Variants in ZNF674 observed in about 807,000 individuals in gnomAD.
ZNF674 encodes zinc finger family member 674.
Under a neutral mutation model 7.0 loss-of-function variants are expected in ZNF674, and 2 were observed. The ratio of observed to expected loss-of-function variants is 0.29; its 90% CI spans 0.12 to 0.90. ZNF674 has a LOEUF of 0.90. Ranked by LOEUF, ZNF674 falls within the 40% of genes least tolerant of loss-of-function variation. The pLI is 0.57. For missense variants in ZNF674, 297 were observed against 415.5 expected (o/e 0.71, Z 2.48); for synonymous variants, 103 against 145.2 (o/e 0.71, Z 2.09).
Position 46,501,045 on chromosome X carries a change from G to A in ZNF674, c.529C>T (p.Leu177Phe), listed in dbSNP as rs1737367. ...TGAGCTTTATGAAGATTATAATGGA[G>A]GCATACTTTCCAATATGCCTTACAT... The part of the protein sequence containing the change: ...DGCKAYWKVC[L>F]HYNLHKAQPA... The change falls in exon 6 of 6, where the codon CTC becomes TTC. Residue 177 changes from leucine to phenylalanine, a missense_variant. Physicochemically the swap from Leu to Phe is conservative, Grantham distance 22 (BLOSUM62 0). Coordinates refer to ENST00000683375, the MANE Select transcript of ZNF674 (RefSeq NM_001190417.2). 1.9e-5 allele frequency: 23 copies of A among 1,206,927 alleles called. No homozygotes were observed. Among genetic ancestry groups the A allele is most frequent in the East Asian group, 3.0e-5 (1 of 33,706 alleles).
chrX:46,520,839 G>A (rs976480836), intron 5 of ZNF674, among the ~76,000 whole-genome samples: 3 of 111,406 alleles, frequency 2.7e-5, no homozygotes, highest in African/African-American at 6.5e-5. Flanking sequence ...TACAAGAAAC[G>A]CAATTTAAAT....
At chrX:46,516,057 C>T (rs1396596612) in intron 5 of ZNF674, among the ~76,000 whole-genome samples, 3 of 111,603 alleles carry the variant, frequency 2.7e-5, no homozygotes, top group Non-Finnish European at 3.8e-5. Flanking sequence ...TAAGCATCCA[C>T]CTTATGAAAC....
intron 5 of ZNF674, among the ~76,000 whole-genome samples, chrX:46,512,956 A>C (rs1286836934): frequency 1.8e-5 from 2 of 111,544 alleles, no homozygotes; most frequent in Admixed American, 1.9e-4. Flanking sequence ...AACTCAACAA[A>C]AACATGAATA....
chrX:46,518,603 C>T (rs1186426516), intron 5 of ZNF674, among the ~76,000 whole-genome samples: 18 of 108,485 alleles, frequency 1.7e-4, no homozygotes, highest in Non-Finnish European at 2.1e-4. Flanking sequence ...AGGCCAGGCA[C>T]GGTGGCTCAT....
chrX:46,509,003 T>C (rs1299264082), intron 5 of ZNF674, among the ~76,000 whole-genome samples: 1 of 110,694 alleles, frequency 9.0e-6, no homozygotes, highest in East Asian at 2.8e-4. Flanking sequence ...AACTATCTGA[T>C]CTTTGACAAA....
In ZNF674 at chrX:46,523,310, TG is replaced by T. The variant is rs775481334; in HGVS notation, c.238+5039del. ...ATTAAAAAATAATAAGGAAATCTTA[TG>T]AAAAAAACTTTATTTTATTTTATTT... On this transcript the variant is annotated intron_variant, in intron 5 of 5. Coordinates refer to ENST00000683375, the MANE Select transcript of ZNF674 (RefSeq NM_001190417.2). 8 of 116,412 alleles carry T rather than the reference TG, an allele frequency of 6.9e-5. No homozygotes were observed. In the South Asian group the frequency reaches 2.4e-3, roughly 35 times the overall value. The allele number at this position is 116,412 out of a possible 1,213,427, so 9.6% of individuals were successfully genotyped here. A position where few individuals can be genotyped will look rare whatever the true frequency, so the allele number is the denominator to read the frequency against.
At chrX:46,530,356 C>A (rs1291178691) in intron 3 of ZNF674, among the ~76,000 whole-genome samples, 2 of 111,026 alleles carry the variant, frequency 1.8e-5, no homozygotes, top group Admixed American at 9.6e-5. Context: ...TGCTGGGGAA[C>A]AAAACCACAC....
intron 5 of ZNF674, among the ~76,000 whole-genome samples, chrX:46,518,722 A>C (rs1180109967): frequency 3.8e-5 from 4 of 105,403 alleles, no homozygotes; most frequent in Non-Finnish European, 5.9e-5. Context: ...AAAAATACAA[A>C]AAAAAAAAAA....
At chrX:46,509,509 A>T (rs1255294997) in intron 5 of ZNF674, among the ~76,000 whole-genome samples, 1 of 99,942 alleles carries the variant, frequency 1.0e-5, no homozygotes, top group African/African-American at 3.7e-5. Flanking sequence ...AAAAGAAGAC[A>T]TTTATGCAGC....
chrX:46,536,719 T>C (rs1371882433), intron 3 of ZNF674, among the ~76,000 whole-genome samples: 1 of 110,065 alleles, frequency 9.1e-6, no homozygotes, highest in Non-Finnish European at 1.9e-5. Context: ...ATCATGCCAC[T>C]GCACTTCAGC....
At chrX:46,525,400 C>A in intron 5 of ZNF674, 1 of 189,633 alleles carries the variant, frequency 5.3e-6, no homozygotes. Context: ...GCTGGGAGTT[C>A]GAGACCAGCC....
chrX:46,500,885 T>C lies in ZNF674; in HGVS notation c.689A>G (p.Gln230Arg). The C allele has an allele frequency of 3.4e-6, 4 of 1,183,861 alleles. No individual in the cohort carries two copies. Among genetic ancestry groups the C allele is most frequent in the Non-Finnish European group, 4.5e-6 (4 of 880,223 alleles). The change falls in exon 6 of 6, where the codon CAG (glutamine) becomes CGG (arginine). Residue 230 changes from glutamine (Q) to arginine (R), a missense_variant. By Grantham distance (43) the Gln-to-Arg change is conservative. Transcript: ENST00000683375. ...TTGATGTACAACTAAGTTTGCTTTC[T>C]GGATAAACACTTTTCCACATTCAGT... is the stretch of plus-strand genomic sequence containing the variant. The part of the protein sequence containing the change: ...KCTECGKVFI[Q>R]KANLVVHQRT...
intron 5 of ZNF674, among the ~76,000 whole-genome samples, chrX:46,502,981 C>T (rs1485467561): frequency 1.8e-5 from 2 of 112,121 alleles, no homozygotes; most frequent in African/African-American, 6.5e-5. Flanking sequence ...TTTGAAGATA[C>T]AATGACTGAT....
intron 5 of ZNF674, among the ~76,000 whole-genome samples, chrX:46,506,582 A>T (rs1941545335): frequency 8.9e-6 from 1 of 111,931 alleles, no homozygotes; most frequent in Non-Finnish European, 1.9e-5. Context: ...ATCAATAATC[A>T]GAATAGCTTT....
Position 46,498,307 on chromosome X carries a change from A to G in ZNF674, c.*1536T>C, listed in dbSNP as rs1362813863. On this transcript the variant is annotated 3_prime_UTR_variant, in exon 6 of 6. Coordinates refer to ENST00000683375, the MANE Select transcript of ZNF674 (RefSeq NM_001190417.2). ...TATATTGCTTCACCATAAAATTATTACTCTTTATTAAAACATGGAGAATTT... is the reference window on the plus strand; with the variant it reads ...TATATTGCTTCACCATAAAATTATTGCTCTTTATTAAAACATGGAGAATTT... 1.8e-5 allele frequency: 2 copies of G among 111,581 alleles called. No homozygotes were observed. The highest frequency in any genetic ancestry group is 3.8e-5 in the Non-Finnish European group (2 of 53,158). 9.2% of individuals were successfully genotyped at this position (111,581 alleles called of 1,213,427 possible).
chrX:46,527,836 CA>C (rs1942036011), intron 5 of ZNF674: 1 of 125,991 alleles, frequency 7.9e-6, no homozygotes, highest in Non-Finnish European at 1.5e-5. Flanking sequence ...AGGTCACCAG[CA>C]AAGCTTTGTT....
intron 5 of ZNF674, among the ~76,000 whole-genome samples, chrX:46,525,021 ATAAT>A (rs1217925991): frequency 3.6e-5 from 4 of 110,738 alleles, no homozygotes; most frequent in South Asian, 3.7e-4. Context: ...AAATATAATA[ATAAT>A]TAATTAATTT....
At chrX:46,543,490 G>A (rs1468208374) in intron 2 of ZNF674, among the ~76,000 whole-genome samples, 4 of 111,374 alleles carry the variant, frequency 3.6e-5, no homozygotes, top group Non-Finnish European at 7.5e-5. Context: ...GGGCTCAAAG[G>A]GCCGCAGGGA....
chrX:46,508,756 TTC>T (rs1941589500), intron 5 of ZNF674, among the ~76,000 whole-genome samples: 1 of 110,827 alleles, frequency 9.0e-6, no homozygotes, highest in Admixed American at 9.7e-5. Flanking sequence ...CGTGATTTGG[TTC>T]TCTGTTTGTC....
Sources: gnomAD v4.1 joint callset for allele counts (sites outside exome capture counted in the v4.1 genomes callset) on GRCh38, gnomAD v4.1.1 for gene constraint, MANE v1.5 for transcripts, NCBI Gene and HGNC (gene_info 2026-07-23, HGNC 2026-07-21) for gene names.